The following KIF14 variants were observed in gnomAD, a reference collection of about 807,000 sequenced individuals.
The protein encoded by KIF14 is kinesin family member 14, also known as kinesin-like protein KIF14.
In KIF14, 98 loss-of-function variants were observed where a neutral mutation model predicts 176.2. That is an observed-to-expected ratio of 0.56 (90% CI 0.47 to 0.66). KIF14 has a LOEUF of 0.66. Ranked by LOEUF, KIF14 falls within the 30% of genes least tolerant of loss-of-function variation. The probability of loss-of-function intolerance (pLI) is 0.00; values close to 1 mark genes in which losing one functional copy is unlikely to be tolerated. For synonymous variants in KIF14, 566 were observed against 632.2 expected, an observed-to-expected ratio of 0.90 and a Z score of 1.57; for missense variants, 1,751 against 1,920.4, an observed-to-expected ratio of 0.91 and a Z score of 1.65.
intron 1 of KIF14, among the ~76,000 whole-genome samples, chr1:200,620,076 A>T (rs1327714918): frequency 6.6e-6 from 1 of 152,210 alleles, no homozygotes; most frequent in Admixed American, 6.5e-5. Flanking sequence ...TCATTTTTAA[A>T]TGAGGCTTTT....
At chr1:200,586,320 C>A in intron 18 of KIF14, 93 bp from the exon 19 acceptor site, 2 of 1,119,680 alleles carry the variant, frequency 1.8e-6, no homozygotes, top group Non-Finnish European at 2.5e-6. Flanking sequence ...TGTTAATTTG[C>A]TTCACTACAG....
chr1:200,603,476 T>A, intron 9 of KIF14, 135 bp from the exon 10 acceptor site: 1 of 587,908 alleles, frequency 1.7e-6, no homozygotes, highest in Non-Finnish European at 3.0e-6. Flanking sequence ...AGACAGAGTC[T>A]CACTCTGTTG....
chr1:200,609,563 C>T (rs554548156), intron 4 of KIF14, among the ~76,000 whole-genome samples: 59 of 152,278 alleles, frequency 3.9e-4, no homozygotes, highest in African/African-American at 1.3e-3. Context: ...GCAGGAGAAT[C>T]GCTTGAACCT....
intron 24 of KIF14, 94 bp downstream of exon 24, chr1:200,565,351 C>T: frequency 2.9e-6 from 4 of 1,397,612 alleles, no homozygotes; most frequent in Non-Finnish European, 3.9e-6. Flanking sequence ...TTAAAAGATG[C>T]ATGCCAGATG....
At chr1:200,595,230 A>G (rs953077924) in intron 14 of KIF14, among the ~76,000 whole-genome samples, 2 of 152,020 alleles carry the variant, frequency 1.3e-5, no homozygotes, top group Non-Finnish European at 2.9e-5. Flanking sequence ...TTAGAAGTCA[A>G]CTCTTCCTTC....
rs768315460 is a variant in KIF14, at chr1:200,607,133, TTTTG to T, written c.1555-339_1555-336del. Among the ~76,000 whole-genome samples the T allele has an allele frequency of 9.4e-5, 14 of 149,728 alleles. 1 individual carries two copies. The highest frequency in any genetic ancestry group is 3.0e-4 in the African/African-American group (12 of 40,454). On this transcript the variant is annotated intron_variant, in intron 5 of 29. Transcript: ENST00000367350. ...TTTAGCATCAGATGTCTTACTAGTT[TTTTG>T]TTTGTTTGTTTGTCTGTTTTGAGAC...
rs1659855496 is a variant in KIF14, at chr1:200,605,870, A to T, written c.1632T>A (p.Asp544Glu). ...LSMNIVSSYA[D>E]IQSWLELGNK... ...AAAACAAAATCAATCTTACCTGGATATCAGCGTAAGAACTGACAATGTTCC... is the reference window on the plus strand; with the variant it reads ...AAAACAAAATCAATCTTACCTGGATTTCAGCGTAAGAACTGACAATGTTCC... Residue 544 changes from aspartate to glutamate, a missense_variant, in exon 7 of 30, where the codon GAT (aspartate) becomes GAA (glutamate). Physicochemically the swap from Asp to Glu is conservative, Grantham distance 45. Coordinates refer to ENST00000367350, the MANE Select transcript of KIF14 (RefSeq NM_014875.3). The T allele has an allele frequency of 6.5e-7, 1 of 1,529,244 alleles. No individual in the cohort carries two copies. The highest frequency in any genetic ancestry group is 8.8e-7 in the Non-Finnish European group (1 of 1,133,026). 94.7% of individuals were successfully genotyped at this position (1,529,244 alleles called of 1,614,324 possible). A position where few individuals can be genotyped will look rare whatever the true frequency, so the allele number is the denominator to read the frequency against.
At position 200,592,215 on chromosome 1, in the gene KIF14, T is replaced by A. The variant is rs1208348400; in HGVS notation, c.2678A>T (p.Asp893Val). 2 of 1,613,280 alleles carry A rather than the reference T, an allele frequency of 1.2e-6. No homozygotes were observed. The highest frequency in any genetic ancestry group is 1.3e-5 in the African/African-American group (1 of 74,906). Residue 893 changes from aspartate (D) to valine (V), a missense_variant, in exon 16 of 30, where the codon GAT becomes GTT. Transcript: ENST00000367350. ...RHGDRVILGG[D>V]HYFRFNHPVE... ...TGGATGATTAAATCTAAAATAATGA[T>A]CTCCACCAAGAATCACTCGATCACC...
chr1:200,578,651 A>G (rs1417519246), intron 21 of KIF14, among the ~76,000 whole-genome samples: 1 of 152,164 alleles, frequency 6.6e-6, no homozygotes, highest in Admixed American at 6.5e-5. Flanking sequence ...GATGGATTCA[A>G]ATTTGCCAAA....
At chr1:200,591,145 T>C (rs1232382683) in intron 16 of KIF14, among the ~76,000 whole-genome samples, 2 of 152,192 alleles carry the variant, frequency 1.3e-5, no homozygotes, top group Non-Finnish European at 1.5e-5. Context: ...ATTTATATTG[T>C]ATTCAATTAA....
At chr1:200,604,018 T>A (rs547516966) in intron 8 of KIF14, 63 bp from the exon 9 acceptor site, 29 of 997,966 alleles carry the variant, frequency 2.9e-5, no homozygotes, top group Non-Finnish European at 4.3e-5. Context: ...TAGGTTTTTT[T>A]AAAGGGAAAG....
At chr1:200,614,544 T>G in intron 3 of KIF14, 139 bp from the exon 4 acceptor site, 1 of 586,872 alleles carries the variant, frequency 1.7e-6, no homozygotes, top group South Asian at 2.2e-5. Flanking sequence ...TGGAGTCAAA[T>G]CTGCCTGAGT....
chr1:200,580,229 T>C (rs773751418), intron 21 of KIF14, 25 bp downstream of exon 21: 1 of 1,222,970 alleles, frequency 8.2e-7, no homozygotes. Context: ...AAAAAATTTA[T>C]AGAGATTTTA....
intron 27 of KIF14, among the ~76,000 whole-genome samples, chr1:200,555,984 GGTAA>G (rs1317815216): frequency 2.0e-5 from 3 of 152,028 alleles, no homozygotes; most frequent in Non-Finnish European, 2.9e-5. Flanking sequence ...CTTGGAAGGG[GGTAA>G]GTAACATATC....
intron 18 of KIF14, among the ~76,000 whole-genome samples, chr1:200,587,786 G>T: frequency 6.6e-6 from 1 of 152,142 alleles, no homozygotes. Flanking sequence ...TCCAGCCTGG[G>T]CAACAAGAAT....
intron 22 of KIF14, among the ~76,000 whole-genome samples, chr1:200,573,427 CTTT>C (rs869174532): frequency 1.5e-3 from 114 of 77,734 alleles, no homozygotes; most frequent in Admixed American, 3.2e-3. Context: ...GAGCTCATTT[CTTT>C]TTTTTTTTTT....
Position 200,591,562 on chromosome 1 carries a change from T to C in KIF14, c.2813+518A>G, listed in dbSNP as rs566470596. 4.6e-5 allele frequency among the ~76,000 whole-genome samples: 7 copies of C among 152,340 alleles called. No homozygotes were observed. In the South Asian group the frequency reaches 1.4e-3, roughly 32 times the overall value. On this transcript the variant is annotated intron_variant, in intron 16 of 29. Coordinates refer to ENST00000367350, the MANE Select transcript of KIF14 (RefSeq NM_014875.3). Reference sequence around the variant, plus strand: ...ATTTAGCTTACAAGGATACTACTTATGCCAGAAATCCTACGATACTGCATG... The same window carrying C: ...ATTTAGCTTACAAGGATACTACTTACGCCAGAAATCCTACGATACTGCATG...
chr1:200,587,174 T>C (rs1168272651), intron 18 of KIF14, among the ~76,000 whole-genome samples: 8 of 151,928 alleles, frequency 5.3e-5, no homozygotes, highest in Non-Finnish European at 2.9e-5. Flanking sequence ...CCTGGTACAA[T>C]GGACATTGAA....
At position 200,593,677 on chromosome 1, in the gene KIF14, A is replaced by G. The variant is rs1419336381; in HGVS notation, c.2642T>C (p.Val881Ala). Reference sequence around the variant, plus strand: ...CACCCATCCACTTACATGACGTAATACTGTGATTTCCAAAATATGTTTTCC... The same window carrying G: ...CACCCATCCACTTACATGACGTAATGCTGTGATTTCCAAAATATGTTTTCC... ...VNGKHILEIT[V>A]LRHGDRVILG... is the part of the protein sequence containing the mutation. Residue 881 changes from valine to alanine, a missense_variant, in exon 15 of 30, where the codon GTA (valine) becomes GCA (alanine). Val to Ala is a moderately conservative substitution (Grantham distance 64). Transcript: ENST00000367350. 1.2e-6 allele frequency: 2 copies of G among 1,600,822 alleles called. No homozygotes were observed. Among genetic ancestry groups the G allele is most frequent in the Non-Finnish European group, 1.7e-6 (2 of 1,168,252 alleles).
Sources: allele counts gnomAD v4.1 joint callset (sites outside exome capture counted in the v4.1 genomes callset), GRCh38; gene constraint gnomAD v4.1.1; transcripts MANE v1.5; gene names NCBI Gene and HGNC (gene_info 2026-07-23, HGNC 2026-07-21).